CHM: variants seen among roughly 807,000 people sequenced by gnomAD.
CHM encodes the protein CHM Rab escort protein.
CHM carries 10 observed loss-of-function variants against 49.0 expected under a neutral mutation model. That is an observed-to-expected ratio of 0.20 (90% CI 0.13 to 0.35). The LOEUF is 0.35. Among genes scored for constraint, CHM ranks in the 10% least tolerant of loss-of-function variants. The probability of loss-of-function intolerance (pLI) is 1.00; values close to 1 mark genes in which losing one functional copy is unlikely to be tolerated. For missense variants in CHM, 455 were observed against 478.4 expected (o/e 0.95, Z 0.46); for synonymous variants, 184 against 167.5 (o/e 1.10, Z -0.76).
intron 11 of CHM, among the ~76,000 whole-genome samples, chrX:85,898,521 C>A (rs1039280319): frequency 9.0e-6 from 1 of 111,698 alleles, no homozygotes; most frequent in Non-Finnish European, 1.9e-5. Flanking sequence ...TAAAGAAACA[C>A]CCTCTTCATC....
chrX:85,874,933 G>A (rs754298025), intron 13 of CHM, among the ~76,000 whole-genome samples: 1 of 111,553 alleles, frequency 9.0e-6, no homozygotes, highest in Admixed American at 9.5e-5. Context: ...CTAACAAGTG[G>A]GCTAAGGTCT....
At chrX:85,996,282 A>T (rs1179661183) in intron 2 of CHM, among the ~76,000 whole-genome samples, 1 of 112,233 alleles carries the variant, frequency 8.9e-6, no homozygotes. Flanking sequence ...TCCTTTCATT[A>T]CTGAAGCAGA....
At chrX:85,943,641 A>G (rs1032016016) in intron 8 of CHM, among the ~76,000 whole-genome samples, 9 of 112,201 alleles carry the variant, frequency 8.0e-5, no homozygotes, top group Non-Finnish European at 1.9e-5. Context: ...GTCATAGCAA[A>G]TTACAAGTTG....
intron 8 of CHM, among the ~76,000 whole-genome samples, chrX:85,921,829 T>C (rs1478050471): frequency 8.9e-6 from 1 of 112,537 alleles, no homozygotes; most frequent in Non-Finnish European, 1.9e-5. Context: ...CATATTGAGT[T>C]TTCTGTCATG....
rs777709782 is a variant in CHM at position 86,007,791 on chromosome X, G to A, written c.116+19700C>T. ...GGAGAGGATGTGGAGAAACAGGAAC[G>A]CTTTTACACAGTTGATGGGAGTATA... On this transcript the variant is annotated intron_variant, in intron 2 of 14. Coordinates refer to ENST00000357749, the MANE Select transcript of CHM (RefSeq NM_000390.4). Among the ~76,000 whole-genome samples, 107 of 112,142 alleles carry A rather than the reference G, an allele frequency of 9.5e-4. 1 individual carries two copies. In the South Asian group the frequency reaches 0.038, roughly 40 times the overall value.
intron 1 of CHM, among the ~76,000 whole-genome samples, chrX:86,036,862 G>T (rs1718170867): frequency 9.0e-6 from 1 of 111,078 alleles, no homozygotes; most frequent in African/African-American, 3.3e-5. Context: ...GAGAAAACAA[G>T]ACTGGCCATG....
chrX:85,881,320 T>C (rs1246253661), intron 12 of CHM, among the ~76,000 whole-genome samples: 3 of 112,190 alleles, frequency 2.7e-5, no homozygotes, highest in African/African-American at 9.7e-5. Flanking sequence ...TAAATCTGTC[T>C]GAGAAATGCT....
rs1344078543 is a variant in CHM, at chrX:86,015,875, G to A, written c.116+11616C>T. ...GGGCCGGGCGGGGTGGCTCACGCCT[G>A]TAATCCCAGCACTTTGGGAGGCCAA... is the stretch of plus-strand genomic sequence containing the variant. On this transcript the variant is annotated intron_variant, in intron 2 of 14. Transcript: ENST00000357749. Among the ~76,000 whole-genome samples, 4 of 112,449 alleles carry A rather than the reference G, an allele frequency of 3.6e-5. No individual in the cohort carries two copies. The East Asian group carries it at 1.1e-3, about 32-fold the overall frequency.
Position 85,981,753 on chromosome X carries a change from C to T in CHM, c.173G>A (p.Trp58Ter). ...ASFSFSGLLS[W>*]LKEYQENSDI... is the part of the protein sequence containing the mutation. ...AAACTTTACCTGGTATTCCTTTAGC[C>T]AGGACAATAGTCCTGAAAAGCTAAA... Residue 58 changes from tryptophan (W) to a stop codon, truncating the protein, a stop_gained, in exon 3 of 15, where the codon TGG (tryptophan) becomes TAG (stop). Transcript: ENST00000357749. LOFTEE classifies it high-confidence loss of function. 8.4e-7 allele frequency: 1 copy of T among 1,194,059 alleles called. No homozygotes were observed. The highest frequency in any genetic ancestry group is 1.1e-6 in the Non-Finnish European group (1 of 884,128).
chrX:85,966,973 C>T (rs771299617), intron 4 of CHM, among the ~76,000 whole-genome samples: 93 of 111,764 alleles, frequency 8.3e-4, no homozygotes, highest in African/African-American at 2.6e-3. Context: ...AATTATTCTT[C>T]GGAAATTTTT....
Position 85,950,341 on chromosome X carries a change from A to AG in CHM, c.1166+5811_1166+5812insC, listed in dbSNP as rs56184859. Among the ~76,000 whole-genome samples, 368 of 100,570 alleles carry AG rather than the reference A, an allele frequency of 3.7e-3. 4 individuals are homozygous for AG. The highest frequency in any genetic ancestry group is 0.013 in the African/African-American group (353 of 27,672). 87.3% of individuals were successfully genotyped at this position (100,570 alleles called of 115,157 possible). The stretch of plus-strand genomic sequence containing the variant: ...TAAAATATCTATATATGAAATGAAT[A>AG]AATAATTTCAAAAATGAACAAGTAA... On this transcript the variant is annotated intron_variant, in intron 8 of 14. Coordinates refer to ENST00000357749, the MANE Select transcript of CHM (RefSeq NM_000390.4).
At chrX:85,889,238 T>C (rs1295348876) in intron 12 of CHM, among the ~76,000 whole-genome samples, 2 of 111,878 alleles carry the variant, frequency 1.8e-5, no homozygotes, top group Non-Finnish European at 3.8e-5. Flanking sequence ...CTAAAGAGCA[T>C]GTACCCAGCA....
intron 2 of CHM, among the ~76,000 whole-genome samples, chrX:85,989,563 A>G (rs144196381): frequency 3.6e-5 from 4 of 112,115 alleles, no homozygotes; most frequent in African/African-American, 1.3e-4. Flanking sequence ...TAAACACACA[A>G]CCTACAGAAT....
intron 8 of CHM, among the ~76,000 whole-genome samples, chrX:85,938,886 C>A (rs1928945538): frequency 9.0e-6 from 1 of 110,866 alleles, no homozygotes; most frequent in Non-Finnish European, 1.9e-5. Context: ...TGCCCAAATA[C>A]AAAAAATATT....
intron 8 of CHM, among the ~76,000 whole-genome samples, chrX:85,937,440 C>T (rs1207659285): frequency 9.1e-6 from 1 of 109,622 alleles, no homozygotes; most frequent in African/African-American, 3.3e-5. Flanking sequence ...GAATAGTATA[C>T]ATATATAACA....
At chrX:85,913,780 A>C (rs1426087450) in intron 8 of CHM, among the ~76,000 whole-genome samples, 3 of 111,098 alleles carry the variant, frequency 2.7e-5, no homozygotes, top group Non-Finnish European at 5.7e-5. Flanking sequence ...GGAACCTTGA[A>C]AAAATGATTT....
intron 2 of CHM, among the ~76,000 whole-genome samples, chrX:85,994,201 G>T (rs909593798): frequency 6.2e-5 from 7 of 112,286 alleles, no homozygotes; most frequent in Non-Finnish European, 1.3e-4. Context: ...TTTTACAGAA[G>T]TTACTCTAAA....
intron 11 of CHM, among the ~76,000 whole-genome samples, chrX:85,900,158 T>C (rs1926165918): frequency 8.9e-6 from 1 of 111,859 alleles, no homozygotes; most frequent in South Asian, 3.7e-4. Flanking sequence ...TGTGTATGTA[T>C]AAACAATGGA....
chrX:86,028,254 T>A (rs1478837028), intron 1 of CHM, among the ~76,000 whole-genome samples: 2 of 111,698 alleles, frequency 1.8e-5, no homozygotes, highest in African/African-American at 3.3e-5. Context: ...ACCATATGCA[T>A]ATGCATTTTA....
Sources: gnomAD v4.1 joint callset for allele counts (sites outside exome capture counted in the v4.1 genomes callset) on GRCh38, gnomAD v4.1.1 for gene constraint, MANE v1.5 for transcripts, NCBI Gene and HGNC (gene_info 2026-07-23, HGNC 2026-07-21) for gene names.